Variants in LCP2 observed in about 807,000 individuals in gnomAD.
LCP2 encodes lymphocyte cytosolic protein 2.
Under a neutral mutation model 74.5 loss-of-function variants are expected in LCP2, and 29 were observed. The observed-to-expected ratio is 0.39, with a 90% CI of 0.29 to 0.53. The LOEUF (loss-of-function observed/expected upper bound fraction) is 0.53. LCP2 is among the 20% of genes least tolerant of loss of function. LCP2 has a pLI of 0.72. For missense variants in LCP2, 604 were observed against 634.6 expected (o/e 0.95, Z 0.52); for synonymous variants, 228 against 229.5 (o/e 0.99, Z 0.06).
intron 14 of LCP2, 119 bp from the exon 15 acceptor site, chr5:170,258,997 T>C: frequency 7.4e-6 from 5 of 678,686 alleles, no homozygotes; most frequent in Non-Finnish European, 1.0e-5. Context: ...CTCTGGCAGT[T>C]ATACATCTTC....
At chr5:170,264,076 C>A (rs113165359) in intron 10 of LCP2, among the ~76,000 whole-genome samples, 6,912 of 152,288 alleles carry the variant, frequency 0.045, 193 homozygotes, top group South Asian at 0.069. Context: ...CTGAAATAAT[C>A]TGCTGCAACT....
chr5:170,270,985 A>C (rs1581066007), intron 6 of LCP2, 68 bp from the exon 7 acceptor site: 2 of 1,352,666 alleles, frequency 1.5e-6, no homozygotes, highest in East Asian at 2.7e-5. Context: ...GCCTGTGCCT[A>C]CTCTCTCCCT....
Position 170,250,767 on chromosome 5 carries a change from T to G in LCP2, c.1442A>C (p.Gln481Pro). 1.9e-6 allele frequency: 3 copies of G among 1,613,316 alleles called. No homozygotes were observed. Among genetic ancestry groups the G allele is most frequent in the Non-Finnish European group, 2.5e-6 (3 of 1,179,264 alleles). The change falls in exon 20 of 21, where the codon CAA becomes CCA. Residue 481 changes from glutamine (Q) to proline (P), a missense_variant. By Grantham distance (76) the Gln-to-Pro change is moderately conservative. Transcript: ENST00000046794. ...NIQIRYQKES[Q>P]VYLLGTGLRG... ...GAGTCCAGTTCCCAACAAGTAAACT[T>G]GACTTTCCTTCTGATAACGGATCTG...
intron 2 of LCP2, among the ~76,000 whole-genome samples, chr5:170,291,199 C>CAGGAAGGAAGGA (rs70979170): frequency 0.22 from 28,033 of 125,312 alleles, 3,530 homozygotes; most frequent in Middle Eastern, 0.27. Context: ...GGAAAGAAGG[C>CAGGAAGGAAGGA]AGGAAGGAAG....
intron 3 of LCP2, among the ~76,000 whole-genome samples, chr5:170,280,937 G>T (rs896389775): frequency 6.6e-6 from 1 of 152,202 alleles, no homozygotes; most frequent in African/African-American, 2.4e-5. Context: ...CCAGGAGGCG[G>T]AGGTTGCAGT....
chr5:170,272,506 T>C (rs1010529948), intron 6 of LCP2, among the ~76,000 whole-genome samples: 2 of 148,252 alleles, frequency 1.3e-5, no homozygotes, highest in African/African-American at 5.0e-5. Context: ...CAATCAGAAG[T>C]AGCCAGCCAA....
intron 2 of LCP2, among the ~76,000 whole-genome samples, chr5:170,291,018 A>C (rs1404505962): frequency 1.5e-5 from 2 of 134,840 alleles, no homozygotes; most frequent in Admixed American, 7.3e-5. Flanking sequence ...GAAAGAGAGA[A>C]AGAAAGAGAG....
chr5:170,256,660 C>T lies in LCP2; in HGVS notation c.1101-85G>A. 1 of 933,568 alleles carries T rather than the reference C, an allele frequency of 1.1e-6. No homozygotes were observed. The highest frequency in any genetic ancestry group is 1.7e-5 in the Admixed American group (1 of 57,408). The allele number at this position is 933,568 out of a possible 1,614,324, so 57.8% of individuals were successfully genotyped here. Reference sequence around the variant, plus strand: ...GAGCTGGGTTAGGGAAGCCAGGCTGCAAATGCTTCTTGATTTGGTATCACT... The same window carrying T: ...GAGCTGGGTTAGGGAAGCCAGGCTGTAAATGCTTCTTGATTTGGTATCACT... On this transcript the variant is annotated intron_variant, in intron 16 of 20. Transcript: ENST00000046794. The surrounding 1 kb of genome is among the most constrained non-coding windows in gnomAD (Gnocchi z 4.5).
chr5:170,282,395 G>C (rs1396100812), intron 3 of LCP2, among the ~76,000 whole-genome samples: 1 of 152,186 alleles, frequency 6.6e-6, no homozygotes, highest in African/African-American at 2.4e-5. Flanking sequence ...TCTGTGTGCT[G>C]CCTCCTTTAA....
At chr5:170,288,567 G>C (rs11953971) in intron 2 of LCP2, among the ~76,000 whole-genome samples, 1,583 of 152,316 alleles carry the variant, frequency 0.01, 31 homozygotes, top group African/African-American at 0.036. Flanking sequence ...TGAGAAGGGA[G>C]GGGAGAAAGA....
At chr5:170,254,609 C>T (rs1386517047) in intron 17 of LCP2, among the ~76,000 whole-genome samples, 2 of 152,084 alleles carry the variant, frequency 1.3e-5, no homozygotes, top group East Asian at 3.9e-4. Flanking sequence ...TTTTTGCAGT[C>T]CAACACTTGC....
At chr5:170,275,282 C>T (rs1216938219) in intron 5 of LCP2, 38 bp downstream of exon 5, 5 of 1,612,462 alleles carry the variant, frequency 3.1e-6, no homozygotes, top group South Asian at 1.1e-5. Flanking sequence ...TACCTATCAC[C>T]TCCTAAAGCA....
intron 10 of LCP2, among the ~76,000 whole-genome samples, chr5:170,265,350 T>G: frequency 6.6e-6 from 1 of 152,160 alleles, no homozygotes; most frequent in East Asian, 1.9e-4. Context: ...TGTAAACATT[T>G]TAAGAAGACA....
At chr5:170,292,967 T>C (rs906084815) in intron 2 of LCP2, among the ~76,000 whole-genome samples, 1 of 152,234 alleles carries the variant, frequency 6.6e-6, no homozygotes, top group African/African-American at 2.4e-5. Flanking sequence ...CTCATGAGTA[T>C]GTGCTCCAGA....
chr5:170,285,672 A>T (rs1762171846), intron 3 of LCP2, among the ~76,000 whole-genome samples: 2 of 152,194 alleles, frequency 1.3e-5, no homozygotes, highest in African/African-American at 4.8e-5. Flanking sequence ...CCAGGCTGGT[A>T]GAAATAAGCA....
rs142211124 is a variant in LCP2 at position 170,273,852 on chromosome 5, G to A, written c.324+449C>T. Reference sequence around the variant, plus strand: ...GAAGTTCTTTTCCCTCCGTGTCACCGATGGGGACTTAAGTCCATGAGAAAA... The same window carrying A: ...GAAGTTCTTTTCCCTCCGTGTCACCAATGGGGACTTAAGTCCATGAGAAAA... On this transcript the variant is annotated intron_variant, in intron 6 of 20. Transcript: ENST00000046794. 5.9e-3 allele frequency: 925 copies of A among 157,378 alleles called. 14 individuals carry two copies. The highest frequency in any genetic ancestry group is 0.021 in the African/African-American group (876 of 41,498). The allele number at this position is 157,378 out of a possible 1,614,324, so 9.7% of individuals were successfully genotyped here. A position where few individuals can be genotyped will look rare whatever the true frequency, so the allele number is the denominator to read the frequency against.
rs1038615759 is a variant in LCP2, at chr5:170,293,244, C to T, written c.141+66G>A. On this transcript the variant is annotated intron_variant, in intron 2 of 20. Coordinates refer to ENST00000046794, the MANE Select transcript of LCP2 (RefSeq NM_005565.5). ...CCAGGGAAAGGGTAGGCCAGTTGGCCCTGCAGCCATGGGGAAAAGTGCCGA... is the reference window on the plus strand; with the variant it reads ...CCAGGGAAAGGGTAGGCCAGTTGGCTCTGCAGCCATGGGGAAAAGTGCCGA... 1.8e-5 allele frequency: 27 copies of T among 1,496,088 alleles called. No individual in the cohort carries two copies. The Admixed American group carries it at 4.7e-4, about 26-fold the overall frequency. The allele number at this position is 1,496,088 out of a possible 1,614,324, so 92.7% of individuals were successfully genotyped here.
chr5:170,275,675 C>A, intron 4 of LCP2, 120 bp downstream of exon 4: 2 of 861,548 alleles, frequency 2.3e-6, no homozygotes, highest in Non-Finnish European at 3.7e-6. Context: ...CTTCCAGACC[C>A]CTGGGATTCA....
In LCP2 at chr5:170,246,930, A is replaced by G. The variant is rs1761312294; in HGVS notation, c.*1767T>C. 1 of 152,236 alleles carries G rather than the reference A, an allele frequency of 6.6e-6. No individual in the cohort carries two copies. The highest frequency in any genetic ancestry group is 1.5e-5 in the Non-Finnish European group (1 of 68,046). 9.4% of individuals were successfully genotyped at this position (152,236 alleles called of 1,614,324 possible). ...ATTTCAGTCATAGCCATGGAACAGA[A>G]CATCTTAATCCTGATGGCACTTTCC... On this transcript the variant is annotated 3_prime_UTR_variant, in exon 21 of 21. Coordinates refer to ENST00000046794, the MANE Select transcript of LCP2 (RefSeq NM_005565.5).
Sources: gnomAD v4.1 joint callset for allele counts (sites outside exome capture counted in the v4.1 genomes callset) on GRCh38, gnomAD v4.1.1 for gene constraint, Gnocchi (gnomAD v3.1) non-coding constraint, MANE v1.5 for transcripts, NCBI Gene and HGNC (gene_info 2026-07-23, HGNC 2026-07-21) for gene names.